CEP15: variants seen among roughly 807,000 people sequenced by gnomAD.
CEP15 encodes the protein centrosomal protein 15 kDa.
chr3:62,322,078 G>C, the CEP15 span: 9 of 1,594,572 alleles, frequency 5.6e-6, no homozygotes, highest in South Asian at 1.0e-4. The surrounding 1 kb of genome is among the most constrained non-coding windows in gnomAD (Gnocchi z 5.5). Flanking sequence ...CTTGAATATA[G>C]AGATTTATCC....
At chr3:62,325,697 C>A in the CEP15 span, among the ~76,000 whole-genome samples, 1 of 152,158 alleles carries the variant, frequency 6.6e-6, no homozygotes, top group Admixed American at 6.5e-5. Context: ...GACATCTCTC[C>A]CCACGTACCT....
At chr3:62,333,372 A>G in the CEP15 span, 7 of 1,610,678 alleles carry the variant, frequency 4.3e-6, no homozygotes, top group Non-Finnish European at 5.9e-6. The surrounding 1 kb of genome is among the most constrained non-coding windows in gnomAD (Gnocchi z 4.0). Flanking sequence ...TACCATTCAA[A>G]ATGAGGCACA....
chr3:62,320,622 G>T, the CEP15 span: 172 of 857,732 alleles, frequency 2.0e-4, 1 homozygote, highest in South Asian at 2.8e-3. Context: ...TTGCAAGCAT[G>T]TCATTTTAAT....
chr3:62,319,869 T>G, the CEP15 span: 1 of 152,236 alleles, frequency 6.6e-6, no homozygotes, highest in African/African-American at 2.4e-5. Context: ...GCCACGAAAA[T>G]GGGCTTTCCT....
chr3:62,328,614 T>A, the CEP15 span, among the ~76,000 whole-genome samples: 1 of 152,328 alleles, frequency 6.6e-6, no homozygotes, highest in South Asian at 2.1e-4. Flanking sequence ...CAAGTAAGCA[T>A]TGCCTCCCTT....
At chr3:62,332,117 A>C in the CEP15 span, among the ~76,000 whole-genome samples, 37 of 152,248 alleles carry the variant, frequency 2.4e-4, no homozygotes, top group African/African-American at 8.7e-4. Context: ...ACTCTGGTAC[A>C]AAGTTGTGTC....
At chr3:62,327,784 A>G in the CEP15 span, among the ~76,000 whole-genome samples, 32 of 152,178 alleles carry the variant, frequency 2.1e-4, no homozygotes, top group African/African-American at 7.2e-4. Flanking sequence ...ATAGCTTTCA[A>G]AATCATAGTT....
At chr3:62,329,240 A>G in the CEP15 span, among the ~76,000 whole-genome samples, 1 of 152,296 alleles carries the variant, frequency 6.6e-6, no homozygotes, top group East Asian at 1.9e-4. Flanking sequence ...AAGATAGAGT[A>G]TAGAGCATAG....
chr3:62,329,958 G>T, the CEP15 span, among the ~76,000 whole-genome samples: 321 of 152,184 alleles, frequency 2.1e-3, 2 homozygotes, highest in African/African-American at 7.2e-3. Context: ...TGTATCTGTC[G>T]TAGTGTCAGC....
At chr3:62,331,544 G>A in the CEP15 span, 1 of 669,546 alleles carries the variant, frequency 1.5e-6, no homozygotes, top group Non-Finnish European at 2.6e-6. Flanking sequence ...AGCTTTTTAT[G>A]TCCACAGTAC....
chr3:62,331,466 T>C, the CEP15 span: 1 of 1,266,490 alleles, frequency 7.9e-7, no homozygotes, highest in South Asian at 1.2e-5. Context: ...GCACTACAAG[T>C]TAAACAATGG....
the CEP15 span, chr3:62,319,649 G>C: frequency 2.0e-5 from 3 of 152,222 alleles, no homozygotes; most frequent in Admixed American, 2.0e-4. Flanking sequence ...AGAGTGCATA[G>C]ATGTTTAATT....
the CEP15 span, among the ~76,000 whole-genome samples, chr3:62,324,748 C>T: frequency 6.6e-6 from 1 of 152,174 alleles, no homozygotes. Flanking sequence ...GTACAGCCTA[C>T]ACTTTAAAAA....
the CEP15 span, chr3:62,322,125 A>G: frequency 6.8e-7 from 1 of 1,462,278 alleles, no homozygotes; most frequent in Admixed American, 2.2e-5. This position sits in a 1 kb window ranked among gnomAD's most constrained non-coding sequence, Gnocchi z 5.5. Context: ...GTTTCATAAA[A>G]TTGATTTATA....
chr3:62,333,460 G>C, the CEP15 span: 2 of 1,487,126 alleles, frequency 1.3e-6, no homozygotes, highest in Non-Finnish European at 1.8e-6. This position sits in a 1 kb window ranked among gnomAD's most constrained non-coding sequence, Gnocchi z 4.0. Flanking sequence ...GGTTATTGCA[G>C]GAACTTTAGG....
At chr3:62,319,616 G>A in the CEP15 span, 1 of 152,224 alleles carries the variant, frequency 6.6e-6, no homozygotes, top group South Asian at 2.1e-4. Flanking sequence ...CAGGCGGTGT[G>A]TCAATCTTTA....
At chr3:62,319,392 A>G in the CEP15 span, 1 of 152,164 alleles carries the variant, frequency 6.6e-6, no homozygotes, top group East Asian at 1.9e-4. Flanking sequence ...GAAGGCGGCA[A>G]GACTTGGCCT....
At chr3:62,325,629 A>C in the CEP15 span, among the ~76,000 whole-genome samples, 1 of 152,336 alleles carries the variant, frequency 6.6e-6, no homozygotes, top group African/African-American at 2.4e-5. Flanking sequence ...GAATTGGTAT[A>C]GATTTGAAAG....
chr3:62,331,384 G>C, the CEP15 span: 2 of 1,612,946 alleles, frequency 1.2e-6, no homozygotes, highest in African/African-American at 1.3e-5. Flanking sequence ...CACGGCCTGA[G>C]GTGGTTTCTC....
Sources: gnomAD v4.1 joint callset for allele counts (sites outside exome capture counted in the v4.1 genomes callset) on GRCh38, gnomAD v4.1.1 for gene constraint, Gnocchi (gnomAD v3.1) non-coding constraint, MANE v1.5 for transcripts, NCBI Gene and HGNC (gene_info 2026-07-23, HGNC 2026-07-21) for gene names.